Variants in TAF8 observed in about 807,000 individuals in gnomAD.
TAF8 encodes the protein transcription initiation factor TFIID subunit 8.
A neutral mutation model predicts 36.5 loss-of-function variants in TAF8; 47 were observed. The ratio of observed to expected loss-of-function variants is 1.29; its 90% CI spans 1.02 to 1.64. The LOEUF (loss-of-function observed/expected upper bound fraction) is 1.64, where lower values mean the gene tolerates loss of function less well. TAF8 is among the 40% of genes most tolerant of loss of function. The pLI is 0.00. For missense variants in TAF8, 420 were observed against 407.6 expected (o/e 1.03, Z -0.26); for synonymous variants, 175 against 159.5 (o/e 1.10, Z -0.73).
chr6:42,057,462 C>G lies in TAF8; in HGVS notation c.438C>G (p.Ile146Met). 3 of 1,614,134 alleles carry G rather than the reference C, an allele frequency of 1.9e-6. No individual in the cohort carries two copies. Among genetic ancestry groups the G allele is most frequent in the Non-Finnish European group, 2.5e-6 (3 of 1,180,030 alleles). Residue 146 changes from isoleucine to methionine, a missense_variant, in exon 5 of 9, where the codon ATC (isoleucine) becomes ATG (methionine). Ile to Met is a conservative substitution (Grantham distance 10). Transcript: ENST00000372977. ...AGAACCGACCCCACCCGCCGCACAT[C>G]CCCAGCCATTTTCCTGAGTTCCCTG... Reference protein sequence around the residue: ...AGQNRPHPPHIPSHFPEFPDP... With the variant: ...AGQNRPHPPHMPSHFPEFPDP...
intron 1 of TAF8, chr6:42,050,827 G>A: frequency 1.0e-6 from 1 of 976,766 alleles, no homozygotes; most frequent in Non-Finnish European, 1.4e-6. Context: ...GAACACCCCC[G>A]ATTGGTCTGA....
At chr6:42,084,951 G>C (rs1354989184), downstream of TAF8, among the ~76,000 whole-genome samples, 1 of 152,156 alleles carries the variant, frequency 6.6e-6, no homozygotes, top group Non-Finnish European at 1.5e-5. Flanking sequence ...GATGAGTTGG[G>C]GCGTATTGCC....
chr6:42,068,657 A>T (rs2492926), intron 7 of TAF8, 50 bp downstream of exon 7: 1 of 1,599,094 alleles, frequency 6.3e-7, no homozygotes, highest in Non-Finnish European at 8.5e-7. Flanking sequence ...ACTGTCGCAC[A>T]CTGCCCTCAG....
chr6:42,063,475 C>T (rs1437021158), intron 5 of TAF8: 1 of 152,138 alleles, frequency 6.6e-6, no homozygotes, highest in African/African-American at 2.4e-5. Flanking sequence ...TAACATTGTA[C>T]AAAATAATGT....
chr6:42,080,145 A>G lies in TAF8; in HGVS notation c.*2600A>G. On this transcript the variant is annotated 3_prime_UTR_variant, in exon 9 of 9. Coordinates refer to ENST00000372977, the MANE Select transcript of TAF8 (RefSeq NM_138572.3). The stretch of plus-strand genomic sequence containing the variant: ...TCAGTTCTTAGCGATTCTTGGCCTG[A>G]TAAGTTTATGAACACAGCCCCACAT... 1.0e-6 allele frequency: 1 copy of G among 985,322 alleles called. No homozygotes were observed. The highest frequency in any genetic ancestry group is 1.2e-6 in the Non-Finnish European group (1 of 829,954). The allele number at this position is 985,322 out of a possible 1,614,324, so 61.0% of individuals were successfully genotyped here.
chr6:42,069,065 G>A (rs1765471651), intron 7 of TAF8, among the ~76,000 whole-genome samples: 1 of 147,406 alleles, frequency 6.8e-6, no homozygotes, highest in African/African-American at 2.7e-5. Context: ...CAAAGGCCCT[G>A]AGGCAGGAGC....
At chr6:42,083,960 T>A (rs1408596710), downstream of TAF8, among the ~76,000 whole-genome samples, 1 of 151,728 alleles carries the variant, frequency 6.6e-6, no homozygotes, top group African/African-American at 2.4e-5. Context: ...GGCGGGCGGA[T>A]CACGAGGTCA....
intron 1 of TAF8, 62 bp downstream of exon 1, chr6:42,050,648 C>T (rs1764735503): frequency 2.0e-6 from 3 of 1,494,726 alleles, no homozygotes; most frequent in East Asian, 2.6e-5. Context: ...ACTTTCCCCT[C>T]GACTGAGCAA....
chr6:42,077,464 C>G, intron 8 of TAF8, 69 bp from the exon 9 acceptor site: 1 of 1,596,834 alleles, frequency 6.3e-7, no homozygotes, highest in Non-Finnish European at 8.5e-7. Flanking sequence ...AGCACTGGAG[C>G]AGTTTTCCCC....
chr6:42,057,066 T>C (rs893503340), intron 4 of TAF8, among the ~76,000 whole-genome samples: 7 of 152,202 alleles, frequency 4.6e-5, no homozygotes, highest in African/African-American at 1.7e-4. Context: ...CCAAGGTCTC[T>C]GAAAAGAGAA....
intron 5 of TAF8, among the ~76,000 whole-genome samples, chr6:42,060,042 C>T (rs1413366537): frequency 6.6e-6 from 1 of 152,180 alleles, no homozygotes; most frequent in Non-Finnish European, 1.5e-5. Flanking sequence ...GCGTTCATGG[C>T]TTGCATGGCA....
intron 6 of TAF8, among the ~76,000 whole-genome samples, chr6:42,067,442 TGA>T (rs1765404584): frequency 6.6e-6 from 1 of 152,150 alleles, no homozygotes; most frequent in Admixed American, 6.5e-5. Flanking sequence ...CTTGAACTCC[TGA>T]GCTCAAGTGA....
chr6:42,079,188 A>T lies in TAF8; in HGVS notation c.*1643A>T. On this transcript the variant is annotated 3_prime_UTR_variant, in exon 9 of 9. Transcript: ENST00000372977. ...TTGGTGGGGTGAGGGTGGGGTGTTG[A>T]GGGCTGGGCCTCATCTTGTATTCTG... 1.0e-6 allele frequency: 1 copy of T among 985,452 alleles called. No individual in the cohort carries two copies. Among genetic ancestry groups the T allele is most frequent in the Non-Finnish European group, 1.2e-6 (1 of 829,916 alleles). 61.0% of individuals were successfully genotyped at this position (985,452 alleles called of 1,614,324 possible).
At chr6:42,083,954 G>A (rs1358254222), downstream of TAF8, among the ~76,000 whole-genome samples, 5 of 152,018 alleles carry the variant, frequency 3.3e-5, no homozygotes, top group Admixed American at 2.6e-4. Context: ...GGCAGAGGCG[G>A]GCGGATCACG....
downstream of TAF8, among the ~76,000 whole-genome samples, chr6:42,083,627 G>C (rs1183809346): frequency 2.0e-5 from 3 of 152,180 alleles, no homozygotes; most frequent in African/African-American, 4.8e-5. Flanking sequence ...ACAAGTGTGT[G>C]TGTATCAGCT....
intron 4 of TAF8, 28 bp downstream of exon 4, chr6:42,056,042 G>A (rs775832484): frequency 8.7e-6 from 13 of 1,498,584 alleles, no homozygotes; most frequent in Non-Finnish European, 1.0e-5. Flanking sequence ...GAGGTACTTA[G>A]CAATTTTTCA....
Position 42,068,489 on chromosome 6 carries a change from TC to T in TAF8, c.666del (p.Tyr223ThrfsTer2). 2 of 1,614,016 alleles carry T rather than the reference TC, an allele frequency of 1.2e-6. No individual in the cohort carries two copies. The highest frequency in any genetic ancestry group is 1.7e-6 in the Non-Finnish European group (2 of 1,180,006). ...GTGATTGCTGCCAGACCTTTCACCA[TC>T]CCCTACCTGACAGCTCTTCTTCCGT... ...FPLIAARPFT[I>X]PYLTALLPSE... On this transcript the variant is annotated frameshift_variant, in exon 7 of 9. Transcript: ENST00000372977. LOFTEE classifies it high-confidence loss of function.
chr6:42,075,524 C>T (rs1225767943), intron 7 of TAF8, among the ~76,000 whole-genome samples: 1 of 152,254 alleles, frequency 6.6e-6, no homozygotes, highest in Admixed American at 6.5e-5. Flanking sequence ...GCCAGCTGTC[C>T]TGTCAGGGGA....
chr6:42,057,295 A>AT, intron 4 of TAF8, 94 bp from the exon 5 acceptor site: 1 of 1,569,502 alleles, frequency 6.4e-7, no homozygotes, highest in Non-Finnish European at 8.7e-7. Flanking sequence ...GAGGTCTGGC[A>AT]TTTTTTTGAG....
Sources: gnomAD v4.1 joint callset for allele counts (sites outside exome capture counted in the v4.1 genomes callset) on GRCh38, gnomAD v4.1.1 for gene constraint, MANE v1.5 for transcripts, NCBI Gene and HGNC (gene_info 2026-07-23, HGNC 2026-07-21) for gene names.